RTN4: variants seen among roughly 807,000 people sequenced by gnomAD.
RTN4 encodes the protein reticulon-4.
In RTN4, 32 loss-of-function variants were observed where a neutral mutation model predicts 90.4. The observed-to-expected ratio is 0.35, with a 90% CI of 0.27 to 0.48. The LOEUF (loss-of-function observed/expected upper bound fraction) is 0.48, where lower values mean the gene tolerates loss of function less well. Among genes scored for constraint, RTN4 ranks in the 20% least tolerant of loss-of-function variants. RTN4 has a pLI of 0.99. For synonymous variants in RTN4, 629 were observed against 552.5 expected, an observed-to-expected ratio of 1.14 and a Z score of -1.94; for missense variants, 1,706 against 1,430.2, an observed-to-expected ratio of 1.19 and a Z score of -3.11.
chr2:55,090,724 T>A (rs577973540), intron 1 of RTN4, among the ~76,000 whole-genome samples: 8 of 152,258 alleles, frequency 5.3e-5, no homozygotes, highest in African/African-American at 1.7e-4. Context: ...CAATTGCTCA[T>A]ACAATTTCTC....
chr2:55,120,012 G>A, the RTN4 span, among the ~76,000 whole-genome samples: 1 of 152,240 alleles, frequency 6.6e-6, no homozygotes, highest in Non-Finnish European at 1.5e-5. Flanking sequence ...GTCATTGCAA[G>A]TGACTGTAAA....
chr2:55,104,110 G>A lies in RTN4; in HGVS notation c.-214+8410C>T, dbSNP rs190153541. Among the ~76,000 whole-genome samples the A allele has an allele frequency of 5.1e-3, 763 of 149,342 alleles. 12 individuals are homozygous for A. The highest frequency in any genetic ancestry group is 0.018 in the African/African-American group (725 of 40,414). On this transcript the variant is annotated intron_variant, in intron 1 of 3. Coordinates refer to the RTN4 transcript ENST00000427710. ...CTGTTGCCCAGTCTGGAGTGCAGTG[G>A]CACTAGCTGGGCTCACTGCAACCTC... is the stretch of plus-strand genomic sequence containing the variant.
chr2:54,991,599 G>C (rs1420731667), intron 3 of RTN4, among the ~76,000 whole-genome samples: 1 of 152,146 alleles, frequency 6.6e-6, no homozygotes, highest in African/African-American at 2.4e-5. Flanking sequence ...TCAGTACAAA[G>C]ATACACACAT....
chr2:55,039,716 T>C (rs866499803), intron 1 of RTN4, among the ~76,000 whole-genome samples: 10 of 152,002 alleles, frequency 6.6e-5, no homozygotes, highest in Admixed American at 2.6e-4. Flanking sequence ...GAGGTGGAGG[T>C]TGCAGTGAGC....
At chr2:55,034,357 C>T (rs1682534468) in intron 1 of RTN4, among the ~76,000 whole-genome samples, 1 of 152,020 alleles carries the variant, frequency 6.6e-6, no homozygotes, top group African/African-American at 2.4e-5. Flanking sequence ...AAAACATTAG[C>T]CAGGCACGGT....
At chr2:55,091,175 C>T (rs1484161532) in intron 1 of RTN4, among the ~76,000 whole-genome samples, 1 of 152,164 alleles carries the variant, frequency 6.6e-6, no homozygotes, top group African/African-American at 2.4e-5. Context: ...ATAAATCGGA[C>T]AGTATGGCTC....
intron 3 of RTN4, among the ~76,000 whole-genome samples, chr2:54,998,827 G>A (rs1264254325): frequency 6.6e-6 from 1 of 152,116 alleles, no homozygotes; most frequent in East Asian, 1.9e-4. Context: ...CACTTTAGTG[G>A]TTCCTTATTT....
At chr2:55,024,375 C>G (rs4672006) in intron 3 of RTN4, among the ~76,000 whole-genome samples, 9,878 of 152,214 alleles carry the variant, frequency 0.065, 541 homozygotes, top group South Asian at 0.19. Flanking sequence ...AGCACCAGCA[C>G]TTAAATACAT....
chr2:55,052,340 C>T (rs1424578803), upstream of RTN4, among the ~76,000 whole-genome samples: 2 of 152,152 alleles, frequency 1.3e-5, no homozygotes, highest in Non-Finnish European at 2.9e-5. Flanking sequence ...GAACTCTGTA[C>T]TTCCTGTTCA....
rs139542847 is a variant in RTN4, at chr2:55,025,878, C to T, written c.2221G>A (p.Asp741Asn). The change falls in exon 3 of 9, where the codon GAT becomes AAT. Residue 741 changes from aspartate (D) to asparagine (N), a missense_variant. Asp to Asn is a conservative substitution (Grantham distance 23). Transcript: ENST00000337526. ...HSELVEDSSP[D>N]SEPVDLFSDD... ...CTAAATAAGTCAACTGGTTCAGAAT[C>T]AGGTGAGGAATCTTCAACTAGCTCA... 3.9e-4 allele frequency: 629 copies of T among 1,613,800 alleles called. 1 individual carries two copies. The highest frequency in any genetic ancestry group is 2.8e-3 in the South Asian group (259 of 91,074).
chr2:55,000,129 G>T (rs753408693), intron 3 of RTN4, among the ~76,000 whole-genome samples: 1 of 152,104 alleles, frequency 6.6e-6, no homozygotes, highest in Non-Finnish European at 1.5e-5. Context: ...GGTCAAGAAA[G>T]GCAATCAAAT....
chr2:55,080,384 A>T (rs949972394), intron 2 of RTN4: 1 of 152,184 alleles, frequency 6.6e-6, no homozygotes, highest in African/African-American at 2.4e-5. Context: ...ATTTCTAATT[A>T]TCCGGGGTAG....
chr2:54,982,113 C>T (rs1398571851), intron 5 of RTN4, among the ~76,000 whole-genome samples: 1 of 151,042 alleles, frequency 6.6e-6, no homozygotes, highest in African/African-American at 2.5e-5. Flanking sequence ...TGCACCACCA[C>T]GCCTGGCTAA....
At chr2:54,997,932 T>C (rs1001443370) in intron 3 of RTN4, among the ~76,000 whole-genome samples, 3 of 152,186 alleles carry the variant, frequency 2.0e-5, no homozygotes, top group African/African-American at 7.2e-5. Context: ...AAACAGTATA[T>C]ATAGGGTTCA....
rs531635430 is a variant in RTN4, at chr2:54,993,139, C to T, written c.3014-5441G>A. ...ACTATGAAGTCTGAAAGTATATCTA[C>T]TAAGCAGTGTTTTTATCTCTGCATA... On this transcript the variant is annotated intron_variant, in intron 3 of 8. Transcript: ENST00000337526. 5.8e-4 allele frequency among the ~76,000 whole-genome samples: 87 copies of T among 150,716 alleles called. 2 individuals carry two copies. In the South Asian group the frequency reaches 0.018, roughly 31 times the overall value.
chr2:55,095,049 C>T (rs1220837449), intron 1 of RTN4, among the ~76,000 whole-genome samples: 1 of 152,112 alleles, frequency 6.6e-6, no homozygotes, highest in Non-Finnish European at 1.5e-5. Context: ...TAAGGCTGGG[C>T]GCGGTGGCTC....
chr2:55,025,276 A>G lies in RTN4; in HGVS notation c.2823T>C (p.Asn941=), dbSNP rs978535168. ...AGAGCACCTTTGATGTAGCAGACCCATTTTTAGAAAAGTCATCTGAGAAAC... is the reference window on the plus strand; with the variant it reads ...AGAGCACCTTTGATGTAGCAGACCCGTTTTTAGAAAAGTCATCTGAGAAAC... The part of the protein sequence containing the change: ...KISFSDDFSK[N]GSATSKVLLL... Residue 941 remains asparagine (N), a synonymous_variant, in exon 3 of 9, where the codon AAT becomes AAC. Transcript: ENST00000337526. The G allele has an allele frequency of 1.2e-6, 2 of 1,613,870 alleles. No individual in the cohort carries two copies. Among genetic ancestry groups the G allele is most frequent in the Admixed American group, 1.7e-5 (1 of 59,958 alleles).
In RTN4 at chr2:55,025,923, G is replaced by A; in HGVS notation, c.2176C>T (p.Gln726Ter). The change falls in exon 3 of 9, where the codon CAG becomes TAG. Residue 726 changes from glutamine (Q) to a stop codon, truncating the protein, a stop_gained. Coordinates refer to ENST00000337526, the MANE Select transcript of RTN4 (RefSeq NM_020532.5). LOFTEE classifies it high-confidence loss of function. ...SDYSEMAKVE[Q>*]PVPDHSELVE... is the part of the protein sequence containing the mutation. Reference sequence around the variant, plus strand: ...AGCTCAGAATGATCAGGCACTGGCTGTTCAACTTTTGCCATTTCTGAATAA... The same window carrying A: ...AGCTCAGAATGATCAGGCACTGGCTATTCAACTTTTGCCATTTCTGAATAA... 6.2e-7 allele frequency: 1 copy of A among 1,612,796 alleles called. No homozygotes were observed. Among genetic ancestry groups the A allele is most frequent in the Non-Finnish European group, 8.5e-7 (1 of 1,179,622 alleles).
At position 55,026,815 on chromosome 2, in the gene RTN4, GC is replaced by G. The variant is rs1681922517; in HGVS notation, c.1283del (p.Ser428ThrfsTer27). 6.2e-7 allele frequency: 1 copy of G among 1,613,828 alleles called. No homozygotes were observed. Among genetic ancestry groups the G allele is most frequent in the Non-Finnish European group, 8.5e-7 (1 of 1,179,876 alleles). ...CTTTTTCGTGATTAGTTTGCTCAAG[GC>G]TATCTGCAAAACATTTTTTATCCAC... ...SKVDKKCFAD[S>X]LEQTNHEKDS... On this transcript the variant is annotated frameshift_variant, in exon 3 of 9. Coordinates refer to ENST00000337526, the MANE Select transcript of RTN4 (RefSeq NM_020532.5). LOFTEE classifies it high-confidence loss of function.
Sources: allele counts gnomAD v4.1 joint callset (sites outside exome capture counted in the v4.1 genomes callset), GRCh38; gene constraint gnomAD v4.1.1; transcripts MANE v1.5; gene names NCBI Gene and HGNC (gene_info 2026-07-23, HGNC 2026-07-21).